Variants in SMYD3 observed in about 807,000 individuals in gnomAD.
SMYD3 encodes the protein histone-lysine N-methyltransferase SMYD3.
SMYD3 carries 36 observed loss-of-function variants against 57.7 expected under a neutral mutation model. The observed-to-expected ratio is 0.62, with a 90% CI of 0.48 to 0.82. The LOEUF is 0.82. Ranked by LOEUF, SMYD3 falls within the 40% of genes least tolerant of loss-of-function variation. SMYD3 has a pLI of 0.00. For missense variants in SMYD3, 515 were observed against 538.8 expected (o/e 0.96, Z 0.44); for synonymous variants, 211 against 195.0 (o/e 1.08, Z -0.68).
chr1:245,842,200 C>T (rs563527377), intron 10 of SMYD3, among the ~76,000 whole-genome samples: 1 of 152,308 alleles, frequency 6.6e-6, no homozygotes, highest in East Asian at 1.9e-4. Flanking sequence ...TTAAACAATG[C>T]ATGACTATAT....
In SMYD3 at chr1:246,251,350, G is replaced by A. The variant is rs1035720091; in HGVS notation, c.531+75851C>T. ...AAATATAAAACACCTTCCACAGAGT[G>A]TTATTTTGTAATCGGGGCTTATCTC... On this transcript the variant is annotated intron_variant, in intron 5 of 11. Coordinates refer to ENST00000490107, the MANE Select transcript of SMYD3 (RefSeq NM_001167740.2). Among the ~76,000 whole-genome samples the A allele has an allele frequency of 1.8e-4, 28 of 152,224 alleles. 1 individual carries two copies. Among genetic ancestry groups the A allele is most frequent in the African/African-American group, 6.5e-4 (27 of 41,450 alleles).
Position 246,140,632 on chromosome 1 carries a change from GAT to G in SMYD3, c.531+186567_531+186568del, listed in dbSNP as rs572282953. On this transcript the variant is annotated intron_variant, in intron 5 of 11. Transcript: ENST00000490107. ...ATTTATTTATTTATTATTTTTTAGA[GAT>G]AGGGGTCTCAATCTGTCACCCAGGC... 5.0e-3 allele frequency among the ~76,000 whole-genome samples: 758 copies of G among 152,254 alleles called. 4 individuals carry two copies. The highest frequency in any genetic ancestry group is 0.017 in the African/African-American group (716 of 41,544).
chr1:246,505,667 C>T (rs1039229898), intron 1 of SMYD3, among the ~76,000 whole-genome samples: 1 of 151,786 alleles, frequency 6.6e-6, no homozygotes, highest in African/African-American at 2.4e-5. Context: ...GCTTAAATCC[C>T]CAGTTACTGC....
At chr1:246,269,472 C>T (rs879162355) in intron 5 of SMYD3, among the ~76,000 whole-genome samples, 1 of 152,012 alleles carries the variant, frequency 6.6e-6, no homozygotes, top group Admixed American at 6.6e-5. Context: ...ATACTCTTCC[C>T]CCATATTCCA....
intron 1 of SMYD3, among the ~76,000 whole-genome samples, chr1:246,364,905 C>T (rs1274965584): frequency 6.6e-6 from 1 of 152,108 alleles, no homozygotes; most frequent in South Asian, 2.1e-4. Context: ...ATGAGACACA[C>T]TTCAAACAAA....
intron 5 of SMYD3, among the ~76,000 whole-genome samples, chr1:246,142,400 A>G (rs1487160833): frequency 1.3e-5 from 2 of 152,010 alleles, no homozygotes; most frequent in Non-Finnish European, 2.9e-5. Context: ...TTTTCACTGA[A>G]GGAAGCACTT....
intron 11 of SMYD3, among the ~76,000 whole-genome samples, chr1:245,758,128 T>C (rs2045687647): frequency 6.6e-6 from 1 of 152,222 alleles, no homozygotes; most frequent in Admixed American, 6.5e-5. Flanking sequence ...TCTCAGATAA[T>C]AACTTACTTG....
chr1:245,802,389 A>G (rs955385152), intron 10 of SMYD3, among the ~76,000 whole-genome samples: 1 of 152,228 alleles, frequency 6.6e-6, no homozygotes, highest in African/African-American at 2.4e-5. Flanking sequence ...AAGTCATAAG[A>G]CAACTCTCTT....
At chr1:246,163,938 AATGCTCGGAGATCTGCAG>A (rs1156243907) in intron 5 of SMYD3, among the ~76,000 whole-genome samples, 1 of 152,164 alleles carries the variant, frequency 6.6e-6, no homozygotes, top group African/African-American at 2.4e-5. Context: ...TGGAAGACCT[AATGCTCGGAGATCTGCAG>A]ACATCTTAAT....
At chr1:245,970,557 C>T (rs187128444) in intron 5 of SMYD3, among the ~76,000 whole-genome samples, 87 of 152,102 alleles carry the variant, frequency 5.7e-4, no homozygotes, top group African/African-American at 1.9e-3. Context: ...TGCCATCTAT[C>T]CATATGACAA....
rs112464523 is a variant in SMYD3 at position 246,150,286 on chromosome 1, C to G, written c.531+176915G>C. 1.6e-3 allele frequency among the ~76,000 whole-genome samples: 240 copies of G among 152,274 alleles called. 1 individual carries two copies. Among genetic ancestry groups the G allele is most frequent in the African/African-American group, 5.3e-3 (222 of 41,546 alleles). ...TATTCCATTCTCTTTCAAAACAGAT[C>G]ACATTTCTTGGCCATTAAGTTGACA... On this transcript the variant is annotated intron_variant, in intron 5 of 11. Transcript: ENST00000490107.
chr1:246,285,378 G>T (rs1396602124), intron 5 of SMYD3, among the ~76,000 whole-genome samples: 1 of 152,000 alleles, frequency 6.6e-6, no homozygotes, highest in African/African-American at 2.4e-5. Flanking sequence ...TGGGCATTTG[G>T]GCTGGTTCCA....
intron 10 of SMYD3, among the ~76,000 whole-genome samples, chr1:245,833,993 T>C (rs1265843422): frequency 1.3e-5 from 2 of 152,258 alleles, no homozygotes; most frequent in Non-Finnish European, 2.9e-5. Flanking sequence ...TCAAGTGTAC[T>C]GTAAAGGTTC....
At chr1:246,406,825 G>C (rs570767091) in intron 1 of SMYD3, among the ~76,000 whole-genome samples, 1 of 152,284 alleles carries the variant, frequency 6.6e-6, no homozygotes, top group African/African-American at 2.4e-5. Context: ...GTGCAAAATT[G>C]CTTCGATATG....
At chr1:245,884,348 G>C (rs891913168) in intron 8 of SMYD3, among the ~76,000 whole-genome samples, 1 of 152,092 alleles carries the variant, frequency 6.6e-6, no homozygotes, top group African/African-American at 2.4e-5. Flanking sequence ...AGGTTTAATG[G>C]GCAAAAGAAA....
intron 8 of SMYD3, among the ~76,000 whole-genome samples, chr1:245,869,121 C>G (rs1313756970): frequency 6.6e-6 from 1 of 151,972 alleles, no homozygotes; most frequent in African/African-American, 2.4e-5. Flanking sequence ...TTGAATTTTA[C>G]TTTTACCACA....
Position 246,365,403 on chromosome 1 carries a change from G to A in SMYD3, c.165-10309C>T, listed in dbSNP as rs952976102. On this transcript the variant is annotated intron_variant, in intron 1 of 11. Transcript: ENST00000490107. The stretch of plus-strand genomic sequence containing the variant: ...CCAGCTACTTGGGAGGCTGAGGTGG[G>A]AGGATGGCTTGAGCCCGAGAGACTG... 7.7e-4 allele frequency among the ~76,000 whole-genome samples: 116 copies of A among 151,220 alleles called. 1 individual carries two copies. Among genetic ancestry groups the A allele is most frequent in the African/African-American group, 2.7e-3 (111 of 41,208 alleles).
chr1:245,756,428 C>A (rs1330185579), intron 11 of SMYD3, among the ~76,000 whole-genome samples: 2 of 152,006 alleles, frequency 1.3e-5, no homozygotes, highest in Non-Finnish European at 2.9e-5. Flanking sequence ...ATTTTACTTA[C>A]CCACACTTTT....
At chr1:246,058,995 C>G (rs1305163585) in intron 5 of SMYD3, among the ~76,000 whole-genome samples, 1 of 152,094 alleles carries the variant, frequency 6.6e-6, no homozygotes, top group Non-Finnish European at 1.5e-5. Flanking sequence ...CTGCCTCAGC[C>G]TCCCGAGTAG....
Sources: allele counts gnomAD v4.1 joint callset (sites outside exome capture counted in the v4.1 genomes callset), GRCh38; gene constraint gnomAD v4.1.1; transcripts MANE v1.5; gene names NCBI Gene and HGNC (gene_info 2026-07-23, HGNC 2026-07-21).